The following ABCA1 variants were observed in gnomAD, a reference collection of about 807,000 sequenced individuals.
ABCA1 encodes phospholipid-transporting ATPase ABCA1.
In ABCA1, 133 loss-of-function variants were observed where a neutral mutation model predicts 262.5. The ratio of observed to expected loss-of-function variants is 0.51; its 90% CI spans 0.44 to 0.59. ABCA1 has a LOEUF of 0.59. Among genes scored for constraint, ABCA1 ranks in the 20% least tolerant of loss-of-function variants. The pLI is 0.00. For missense variants in ABCA1, 2,452 were observed against 2,777.5 expected (o/e 0.88, Z 2.63); for synonymous variants, 1,022 against 1,043.5 (o/e 0.98, Z 0.40).
chr9:104,851,079 A>C (rs1835335407), intron 7 of ABCA1, among the ~76,000 whole-genome samples: 1 of 152,208 alleles, frequency 6.6e-6, no homozygotes, highest in Non-Finnish European at 1.5e-5. Context: ...TAATCACAAC[A>C]TACCATGTTT....
chr9:104,801,284 A>T (rs984817980), intron 34 of ABCA1, among the ~76,000 whole-genome samples: 1 of 151,870 alleles, frequency 6.6e-6, no homozygotes, highest in African/African-American at 2.4e-5. Flanking sequence ...CAGTGGTGCA[A>T]TCTGGGCTCA....
At chr9:104,842,201 G>C (rs1486859641) in intron 8 of ABCA1, among the ~76,000 whole-genome samples, 1 of 152,162 alleles carries the variant, frequency 6.6e-6, no homozygotes, top group Non-Finnish European at 1.5e-5. Context: ...TCCAGAGAGG[G>C]GGCATCTAGC....
chr9:104,868,903 G>A (rs894430499), intron 5 of ABCA1, among the ~76,000 whole-genome samples: 3 of 152,088 alleles, frequency 2.0e-5, no homozygotes, highest in Non-Finnish European at 4.4e-5. Context: ...GGTATGACGC[G>A]GGGTGGGGGC....
At chr9:104,866,772 G>A (rs1242561390) in intron 5 of ABCA1, among the ~76,000 whole-genome samples, 2 of 152,180 alleles carry the variant, frequency 1.3e-5, no homozygotes, top group South Asian at 2.1e-4. Flanking sequence ...AGAGGCATGA[G>A]CCACCGCGCC....
intron 3 of ABCA1, among the ~76,000 whole-genome samples, chr9:104,885,011 G>A (rs749212880): frequency 2.6e-5 from 4 of 152,172 alleles, no homozygotes; most frequent in African/African-American, 9.7e-5. Context: ...CAAGGTGGGC[G>A]GATCACCTGA....
chr9:104,815,448 G>A (rs1378679959), intron 25 of ABCA1, among the ~76,000 whole-genome samples: 1 of 152,192 alleles, frequency 6.6e-6, no homozygotes, highest in East Asian at 1.9e-4. Flanking sequence ...TTCAAGGTCT[G>A]TGATGTTGTA....
At chr9:104,923,826 G>T (rs1464836802) in intron 1 of ABCA1, among the ~76,000 whole-genome samples, 2 of 152,164 alleles carry the variant, frequency 1.3e-5, no homozygotes, top group African/African-American at 4.8e-5. Flanking sequence ...GATCACTTGA[G>T]CCCAGGAGTT....
At position 104,814,171 on chromosome 9, in the gene ABCA1, C is replaced by T. The variant is rs1831523453; in HGVS notation, c.3848G>A (p.Arg1283His). The T allele has an allele frequency of 6.8e-6, 11 of 1,614,082 alleles. No homozygotes were observed. The highest frequency in any genetic ancestry group is 5.3e-5 in the African/African-American group (4 of 74,914). Reference protein sequence around the residue: ...RAFGDKQSCLRPFTEDDAADP... With the variant: ...RAFGDKQSCLHPFTEDDAADP... ...AGCAGCATCATCTTCAGTGAACGGG[C>T]GAAGACAGCTCTGCTTGTCCCCGAA... The change falls in exon 27 of 50, where the codon CGC becomes CAC. Residue 1283 changes from arginine to histidine, a missense_variant. Around this residue, in one of 4 missense-constraint regions of ABCA1, gnomAD observed 665 missense variants for 727.3 expected, o/e 0.91. Transcript: ENST00000374736.
intron 2 of ABCA1, among the ~76,000 whole-genome samples, chr9:104,891,904 GCTGTGAGCTGAGATCACGCCACTGCACT>G (rs372555177): frequency 2.1e-5 from 3 of 142,236 alleles, no homozygotes; most frequent in African/African-American, 5.3e-5. Context: ...AGCGGAGGTT[GCTGTGAGCTGAGATCACGCCACTGCACT>G]CCGGCCTGGG....
Position 104,903,800 on chromosome 9 carries a change from C to G in ABCA1, c.-92-29G>C, listed in dbSNP as rs1022100919. The G allele has an allele frequency of 7.5e-6, 7 of 933,796 alleles. No individual in the cohort carries two copies. The African/African-American group carries it at 1.2e-4, about 15-fold the overall frequency. 57.8% of individuals were successfully genotyped at this position (933,796 alleles called of 1,614,324 possible). ...AAAGATAAAGCAGGAGGGGAAACAGCCATCAGTTATTGCTGCAAAGCCATA... is the reference window on the plus strand; with the variant it reads ...AAAGATAAAGCAGGAGGGGAAACAGGCATCAGTTATTGCTGCAAAGCCATA... On this transcript the variant is annotated intron_variant, in intron 1 of 49. Transcript: ENST00000374736.
chr9:104,860,078 C>T (rs1449300909), intron 6 of ABCA1, among the ~76,000 whole-genome samples: 1 of 147,104 alleles, frequency 6.8e-6, no homozygotes, highest in Admixed American at 6.7e-5. Flanking sequence ...AAAAAGAATA[C>T]TGACAACGGA....
chr9:104,799,425 C>CACAA (rs1222687523), intron 36 of ABCA1: 1 of 976,650 alleles, frequency 1.0e-6, no homozygotes, highest in Non-Finnish European at 1.2e-6. Flanking sequence ...CACACACACA[C>CACAA]ACACACACAC....
intron 7 of ABCA1, among the ~76,000 whole-genome samples, 173 bp from the exon 8 acceptor site, chr9:104,845,742 T>C (rs1246487050): frequency 6.6e-6 from 1 of 152,264 alleles, no homozygotes; most frequent in Non-Finnish European, 1.5e-5. Context: ...GTTTGCATTT[T>C]GTTCATTTTC....
At chr9:104,856,459 C>T (rs923364645) in intron 7 of ABCA1, among the ~76,000 whole-genome samples, 7 of 152,252 alleles carry the variant, frequency 4.6e-5, no homozygotes, top group Admixed American at 1.3e-4. Flanking sequence ...AAGGCACAAC[C>T]ACAACACAGC....
In ABCA1 at chr9:104,796,290, T is replaced by TCAGAGGTG; in HGVS notation, c.5237+18_5237+19insCACCTCTG. Reference sequence around the variant, plus strand: ...ATGCCTTATCCACTGTGCAGCTCCCTCACTCAGAGGTGACTTACCCATACA... The same window carrying TCAGAGGTG: ...ATGCCTTATCCACTGTGCAGCTCCCTCAGAGGTGCACTCAGAGGTGACTTACCCATACA... On this transcript the variant is annotated intron_variant, in intron 38 of 49. Coordinates refer to ENST00000374736, the MANE Select transcript of ABCA1 (RefSeq NM_005502.4). 3 of 1,614,010 alleles carry TCAGAGGTG rather than the reference T, an allele frequency of 1.9e-6. No homozygotes were observed. The highest frequency in any genetic ancestry group is 2.5e-6 in the Non-Finnish European group (3 of 1,179,886).
chr9:104,855,285 C>T, intron 7 of ABCA1: 4 of 350,692 alleles, frequency 1.1e-5, no homozygotes, highest in Non-Finnish European at 1.6e-5. Context: ...CAACTTCCAC[C>T]TCCTGGGTTC....
At chr9:104,791,071 A>G (rs1430705738) in intron 43 of ABCA1, 43 bp from the exon 44 acceptor site, 2 of 1,336,730 alleles carry the variant, frequency 1.5e-6, no homozygotes, top group South Asian at 2.3e-5. Context: ...CTCTAAAAAC[A>G]TGAATATAAA....
Position 104,794,491 on chromosome 9 carries a change from T to G in ABCA1, c.5402A>C (p.Asp1801Ala). ...FTDNKLNNIN[D>A]ILKSVFLIFP... ...GATCAAGAACACGGACTTCAGGATA[T>G]CATTGATATTATTCAGCTTCTAAAA... is the stretch of plus-strand genomic sequence containing the variant. The change falls in exon 40 of 50, where the codon GAT becomes GCT. Residue 1801 changes from aspartate (D) to alanine (A), a missense_variant. Around this residue, in one of 4 missense-constraint regions of ABCA1, gnomAD observed 752 missense variants for 944.5 expected, o/e 0.80. Coordinates refer to ENST00000374736, the MANE Select transcript of ABCA1 (RefSeq NM_005502.4). 1 of 1,583,404 alleles carries G rather than the reference T, an allele frequency of 6.3e-7. No homozygotes were observed. Among genetic ancestry groups the G allele is most frequent in the South Asian group, 1.1e-5 (1 of 90,106 alleles).
intron 20 of ABCA1, among the ~76,000 whole-genome samples, chr9:104,820,532 C>T (rs56025656): frequency 0.011 from 1,731 of 152,292 alleles, 17 homozygotes; most frequent in Middle Eastern, 0.024. Flanking sequence ...CACATGAGCC[C>T]CAGCTGTTCA....
Sources: allele counts gnomAD v4.1 joint callset (sites outside exome capture counted in the v4.1 genomes callset), GRCh38; gene constraint gnomAD v4.1.1; regional missense constraint gnomAD v4.1.1; transcripts MANE v1.5; gene names NCBI Gene and HGNC (gene_info 2026-07-23, HGNC 2026-07-21).